DENND10: variants seen among roughly 807,000 people sequenced by gnomAD.
DENND10 encodes the protein DENN domain-containing protein 10.
DENND10 carries 24 observed loss-of-function variants against 43.6 expected under a neutral mutation model. The observed-to-expected ratio is 0.55, with a 90% CI of 0.40 to 0.77. The LOEUF is 0.77. Ranked by LOEUF, DENND10 falls within the 30% of genes least tolerant of loss-of-function variation. The pLI is 0.00. For synonymous variants in DENND10, 125 were observed against 157.6 expected, an observed-to-expected ratio of 0.79 and a Z score of 1.55; for missense variants, 303 against 429.9, an observed-to-expected ratio of 0.70 and a Z score of 2.61.
At position 119,115,056 on chromosome 10, in the gene DENND10, C is replaced by T. The variant is rs552647206; in HGVS notation, c.333-2463C>T. 2.2e-3 allele frequency among the ~76,000 whole-genome samples: 332 copies of T among 152,114 alleles called. 2 individuals carry two copies. Among genetic ancestry groups the T allele is most frequent in the African/African-American group, 7.6e-3 (316 of 41,498 alleles). On this transcript the variant is annotated intron_variant, in intron 3 of 8. Transcript: ENST00000361432. ...GAGTGTAGAGATTATAAGCATGAGCCACAGTGCTTGGCCTCTATTTTAGAA... is the reference window on the plus strand; with the variant it reads ...GAGTGTAGAGATTATAAGCATGAGCTACAGTGCTTGGCCTCTATTTTAGAA...
intron 5 of DENND10, 27 bp from the exon 6 acceptor site, chr10:119,123,442 A>C: frequency 6.4e-7 from 1 of 1,566,192 alleles, no homozygotes; most frequent in Non-Finnish European, 8.8e-7. Context: ...ACCAGCAACA[A>C]CTTGAGTTCT....
chr10:119,105,921 C>A (rs761077800), intron 1 of DENND10, among the ~76,000 whole-genome samples: 1 of 152,008 alleles, frequency 6.6e-6, no homozygotes, highest in South Asian at 2.1e-4. Context: ...AGAGGCCAGG[C>A]GTGGTGGCTC....
At chr10:119,104,316 G>A (rs1057279414) in intron 1 of DENND10, 119 bp downstream of exon 1, 5 of 941,870 alleles carry the variant, frequency 5.3e-6, no homozygotes, top group Non-Finnish European at 7.6e-6. Context: ...GGAGGGCGCG[G>A]CCCCCTCCCT....
chr10:119,130,036 G>A (rs563915860), intron 7 of DENND10, among the ~76,000 whole-genome samples: 1 of 150,076 alleles, frequency 6.7e-6, no homozygotes. Context: ...GCAGAGTCTT[G>A]CTCTATTTCC....
chr10:119,129,331 G>A (rs1431583829), intron 6 of DENND10, 184 bp from the exon 7 acceptor site: 4 of 587,564 alleles, frequency 6.8e-6, no homozygotes, highest in Non-Finnish European at 1.2e-5. Context: ...ATCTGGCGTT[G>A]TGTGAATATC....
chr10:119,136,159 CAG>C (rs1332775425), intron 8 of DENND10, among the ~76,000 whole-genome samples: 1 of 152,042 alleles, frequency 6.6e-6, no homozygotes, highest in Non-Finnish European at 1.5e-5. Flanking sequence ...ACCTGGGTAA[CAG>C]AGCGAGACCC....
At chr10:119,119,812 A>G (rs971446158) in intron 4 of DENND10, among the ~76,000 whole-genome samples, 1 of 151,232 alleles carries the variant, frequency 6.6e-6, no homozygotes, top group Non-Finnish European at 1.5e-5. Flanking sequence ...TTGTGAGTCT[A>G]GCTTCCTCTA....
At chr10:119,106,223 A>G (rs1343178863) in intron 1 of DENND10, among the ~76,000 whole-genome samples, 4 of 152,174 alleles carry the variant, frequency 2.6e-5, no homozygotes, top group Admixed American at 2.6e-4. Context: ...ACCCTGTCTC[A>G]GAGAGAGAAA....
intron 5 of DENND10, 71 bp downstream of exon 5, chr10:119,120,523 T>A: frequency 1.1e-6 from 1 of 946,308 alleles, no homozygotes; most frequent in Non-Finnish European, 1.7e-6. Flanking sequence ...TGTTACTGTG[T>A]GCTCTGCTGT....
chr10:119,128,432 ACC>A (rs1218683667), intron 6 of DENND10, among the ~76,000 whole-genome samples: 1 of 151,450 alleles, frequency 6.6e-6, no homozygotes, highest in Non-Finnish European at 1.5e-5. Flanking sequence ...ATATGGTGAA[ACC>A]CCGTCTCTAC....
intron 5 of DENND10, among the ~76,000 whole-genome samples, chr10:119,121,097 G>A (rs1287986463): frequency 6.6e-6 from 1 of 151,950 alleles, no homozygotes; most frequent in African/African-American, 2.4e-5. Flanking sequence ...TTACGGGTGT[G>A]AGCCACTGTG....
At chr10:119,109,546 G>GTAA (rs1235209620) in intron 2 of DENND10, among the ~76,000 whole-genome samples, 2 of 151,558 alleles carry the variant, frequency 1.3e-5, no homozygotes, top group Non-Finnish European at 2.9e-5. Flanking sequence ...TAGCAGGAAG[G>GTAA]TAACAATTTA....
At chr10:119,109,216 CAAA>C (rs56064617) in intron 2 of DENND10, among the ~76,000 whole-genome samples, 5 of 129,176 alleles carry the variant, frequency 3.9e-5, no homozygotes, top group Admixed American at 1.6e-4. Context: ...AACTCCGTCT[CAAA>C]AAAAAAAAAA....
chr10:119,132,652 T>C lies in DENND10; in HGVS notation c.897+43T>C. Reference sequence around the variant, plus strand: ...TGACTTACTGAAAGTCCTGACCCGGTGTCGCTGGGTGGTGTGCGGCAGAGC... The same window carrying C: ...TGACTTACTGAAAGTCCTGACCCGGCGTCGCTGGGTGGTGTGCGGCAGAGC... On this transcript the variant is annotated intron_variant, in intron 8 of 8. Transcript: ENST00000361432. This position sits in a 1 kb window ranked among gnomAD's most constrained non-coding sequence, Gnocchi z 4.2. 4.0e-6 allele frequency: 6 copies of C among 1,484,508 alleles called. No individual in the cohort carries two copies. Among genetic ancestry groups the C allele is most frequent in the Non-Finnish European group, 4.7e-6 (5 of 1,061,398 alleles). 92.0% of individuals were successfully genotyped at this position (1,484,508 alleles called of 1,614,324 possible).
intron 3 of DENND10, among the ~76,000 whole-genome samples, 158 bp from the exon 4 acceptor site, chr10:119,117,361 G>C (rs1845340401): frequency 6.6e-6 from 1 of 152,032 alleles, no homozygotes; most frequent in Non-Finnish European, 1.5e-5. Context: ...GACAGAGTGA[G>C]ACTCTGTCTC....
At chr10:119,130,978 CTCTTGAAGAAAGGAG>C (rs1012884544) in intron 7 of DENND10, among the ~76,000 whole-genome samples, 7 of 152,224 alleles carry the variant, frequency 4.6e-5, no homozygotes, top group African/African-American at 1.7e-4. Flanking sequence ...ATGTCTCCAC[CTCTTGAAGAAAGGAG>C]TATCAAAAAA....
intron 4 of DENND10, among the ~76,000 whole-genome samples, chr10:119,119,736 TTA>T (rs1353972753): frequency 5.9e-5 from 9 of 151,468 alleles, no homozygotes; most frequent in Non-Finnish European, 4.4e-5. Context: ...TTTTTTTTTT[TTA>T]AATCAGGAAG....
At chr10:119,107,091 C>T (rs1166303483) in intron 1 of DENND10, among the ~76,000 whole-genome samples, 1 of 152,022 alleles carries the variant, frequency 6.6e-6, no homozygotes, top group Non-Finnish European at 1.5e-5. Context: ...CCGAGGCGGG[C>T]AGATCACCTG....
Position 119,129,523 on chromosome 10 carries a change from G to A in DENND10, c.703G>A (p.Ala235Thr), listed in dbSNP as rs1254948842. 4.3e-6 allele frequency: 7 copies of A among 1,611,356 alleles called. No individual in the cohort carries two copies. The highest frequency in any genetic ancestry group is 5.9e-6 in the Non-Finnish European group (7 of 1,177,620). The change falls in exon 7 of 9, where the codon GCT becomes ACT. Residue 235 changes from alanine to threonine, a missense_variant. Ala to Thr is a moderately conservative substitution (Grantham distance 58). Transcript: ENST00000361432. Reference sequence around the variant, plus strand: ...TCATGTTTGTGATGCAGGTTACGTCGCTGGATTTGTAGACTTGGAGGTGAG... The same window carrying A: ...TCATGTTTGTGATGCAGGTTACGTCACTGGATTTGTAGACTTGGAGGTGAG... The part of the protein sequence containing the change: ...EALQMCTGYV[A>T]GFVDLEVSNR...
Sources: gnomAD v4.1 joint callset for allele counts (sites outside exome capture counted in the v4.1 genomes callset) on GRCh38, gnomAD v4.1.1 for gene constraint, Gnocchi (gnomAD v3.1) non-coding constraint, MANE v1.5 for transcripts, NCBI Gene and HGNC (gene_info 2026-07-23, HGNC 2026-07-21) for gene names.